TTPA: variants seen among roughly 807,000 people sequenced by gnomAD.
TTPA encodes alpha tocopherol transfer protein, also known as alpha-tocopherol transfer protein.
A neutral mutation model predicts 25.9 loss-of-function variants in TTPA; 23 were observed. That is an observed-to-expected ratio of 0.89 (90% CI 0.64 to 1.26). The LOEUF (loss-of-function observed/expected upper bound fraction) is 1.26. Among genes scored for constraint, TTPA ranks in the 50% most tolerant of loss-of-function variants. TTPA has a pLI of 0.00. For synonymous variants in TTPA, 148 were observed against 137.3 expected, an observed-to-expected ratio of 1.08 and a Z score of -0.54; for missense variants, 337 against 353.1, an observed-to-expected ratio of 0.95 and a Z score of 0.37.
rs948336467 is a variant in TTPA, at chr8:63,084,138, A to G, written c.204+1680T>C. On this transcript the variant is annotated intron_variant, in intron 1 of 4. Coordinates refer to ENST00000260116, the MANE Select transcript of TTPA (RefSeq NM_000370.3). ...TGAGCTCAATTGATCCACCATCCTC[A>G]GCCTCCCAAAGTGCTGGGATTGCAG... is the stretch of plus-strand genomic sequence containing the variant. 3.9e-5 allele frequency among the ~76,000 whole-genome samples: 6 copies of G among 152,138 alleles called. No homozygotes were observed. In the South Asian group the frequency reaches 1.2e-3, roughly 31 times the overall value.
At chr8:63,080,696 G>A (rs1805647461) in intron 1 of TTPA, among the ~76,000 whole-genome samples, 1 of 149,664 alleles carries the variant, frequency 6.7e-6, no homozygotes, top group South Asian at 2.1e-4. Context: ...CTCCAGCCTG[G>A]GTGACAGAGC....
chr8:63,077,675 G>C (rs941015206), intron 1 of TTPA, among the ~76,000 whole-genome samples: 3 of 152,238 alleles, frequency 2.0e-5, no homozygotes, highest in South Asian at 4.1e-4. Flanking sequence ...ACTGGGTGGA[G>C]CCCACTGCAG....
intron 1 of TTPA, among the ~76,000 whole-genome samples, chr8:63,075,175 C>T (rs937126595): frequency 6.6e-6 from 1 of 152,128 alleles, no homozygotes; most frequent in Admixed American, 6.5e-5. Context: ...AAAGAAGTGG[C>T]TAAAAATAAA....
chr8:63,082,344 T>C (rs1805677063), intron 1 of TTPA, among the ~76,000 whole-genome samples: 1 of 152,102 alleles, frequency 6.6e-6, no homozygotes, highest in South Asian at 2.1e-4. Context: ...ACCACACATC[T>C]ACAACCATCT....
At chr8:63,069,305 A>AG (rs1805446225) in intron 2 of TTPA, among the ~76,000 whole-genome samples, 1 of 150,250 alleles carries the variant, frequency 6.7e-6, no homozygotes, top group Non-Finnish European at 1.5e-5. Flanking sequence ...AAAAAAAAAA[A>AG]GAACATATGA....
rs577318607 is a variant in TTPA at position 63,084,153 on chromosome 8, T to C, written c.204+1665A>G. On this transcript the variant is annotated intron_variant, in intron 1 of 4. Coordinates refer to ENST00000260116, the MANE Select transcript of TTPA (RefSeq NM_000370.3). ...CACCATCCTCAGCCTCCCAAAGTGC[T>C]GGGATTGCAGGCCTGAGCTACTGCG... Among the ~76,000 whole-genome samples the C allele has an allele frequency of 3.3e-5, 5 of 152,278 alleles. No homozygotes were observed. The East Asian group carries it at 9.6e-4, about 29-fold the overall frequency.
intron 2 of TTPA, among the ~76,000 whole-genome samples, chr8:63,068,619 AGGAG>A (rs780550333): frequency 3.9e-5 from 6 of 152,134 alleles, no homozygotes; most frequent in Non-Finnish European, 8.8e-5. Flanking sequence ...GATGTAATGA[AGGAG>A]GGAGAGTTTT....
chr8:63,077,007 G>C (rs984111523), intron 1 of TTPA, among the ~76,000 whole-genome samples: 1 of 151,814 alleles, frequency 6.6e-6, no homozygotes, highest in African/African-American at 2.4e-5. Flanking sequence ...ATAAAACCCA[G>C]AGGCAATCAA....
At chr8:63,085,016 C>G (rs1159694414) in intron 1 of TTPA, among the ~76,000 whole-genome samples, 1 of 152,214 alleles carries the variant, frequency 6.6e-6, no homozygotes, top group Non-Finnish European at 1.5e-5. Flanking sequence ...AGGGCTAGAT[C>G]TGGTCGAACT....
At chr8:63,062,185 A>G (rs1483385318) in intron 4 of TTPA, among the ~76,000 whole-genome samples, 2 of 152,194 alleles carry the variant, frequency 1.3e-5, no homozygotes, top group South Asian at 4.1e-4. Flanking sequence ...GTCTAAAAAA[A>G]AAAAAAGAAT....
In TTPA at chr8:63,085,872, G is replaced by A; in HGVS notation, c.150C>T (p.Ser50=). The change falls in exon 1 of 5, where the codon TCC becomes TCT. Residue 50 remains serine (S), a synonymous_variant. Coordinates refer to ENST00000260116, the MANE Select transcript of TTPA (RefSeq NM_000370.3). ...GGGCGCGCAGGAACCGCAGCAGGAAGGAGTCGGTGAGCGGCAGCGGCGCGA... is the reference window on the plus strand; with the variant it reads ...GGGCGCGCAGGAACCGCAGCAGGAAAGAGTCGGTGAGCGGCAGCGGCGCGA... ...VPLAPLPLTD[S]FLLRFLRARD... 6.5e-7 allele frequency: 1 copy of A among 1,534,410 alleles called. No homozygotes were observed. The highest frequency in any genetic ancestry group is 8.7e-7 in the Non-Finnish European group (1 of 1,145,040).
At chr8:63,074,118 A>T (rs1241932938) in intron 1 of TTPA, among the ~76,000 whole-genome samples, 2 of 152,250 alleles carry the variant, frequency 1.3e-5, no homozygotes, top group Non-Finnish European at 2.9e-5. Context: ...AGTGCAGAGA[A>T]AATGACAGAT....
chr8:63,069,607 T>C (rs1177940812), intron 2 of TTPA, among the ~76,000 whole-genome samples: 2 of 152,138 alleles, frequency 1.3e-5, no homozygotes, highest in East Asian at 3.9e-4. Context: ...TGGTAGCACA[T>C]GCCTCTAGTC....
intron 1 of TTPA, among the ~76,000 whole-genome samples, chr8:63,073,393 C>T (rs1805513595): frequency 6.6e-6 from 1 of 152,196 alleles, no homozygotes; most frequent in Non-Finnish European, 1.5e-5. Context: ...TAAGAGATGG[C>T]ATCTATTTGC....
chr8:63,069,707 C>G (rs1311308987), intron 2 of TTPA, among the ~76,000 whole-genome samples: 2 of 151,288 alleles, frequency 1.3e-5, no homozygotes, highest in Non-Finnish European at 2.9e-5. Context: ...TGCACTCTAG[C>G]CCAGATGGCA....
intron 2 of TTPA, among the ~76,000 whole-genome samples, chr8:63,072,385 C>T (rs1805496351): frequency 6.6e-6 from 1 of 152,182 alleles, no homozygotes; most frequent in Admixed American, 6.5e-5. Context: ...GCCTCGGCCT[C>T]CCGAGTAGCT....
At chr8:63,066,128 C>T (rs1314740554) in intron 2 of TTPA, 31 bp from the exon 3 acceptor site, 1 of 1,594,716 alleles carries the variant, frequency 6.3e-7, no homozygotes, top group Non-Finnish European at 8.6e-7. Context: ...CATATCTTAG[C>T]ATTGTGTAAA....
At chr8:63,080,155 G>A (rs1347353050) in intron 1 of TTPA, among the ~76,000 whole-genome samples, 2 of 151,984 alleles carry the variant, frequency 1.3e-5, no homozygotes, top group African/African-American at 2.4e-5. Flanking sequence ...AGAATCTCTG[G>A]GACACATTTA....
intron 1 of TTPA, among the ~76,000 whole-genome samples, chr8:63,075,499 C>CTCG (rs1221774950): frequency 1.3e-5 from 2 of 151,952 alleles, no homozygotes; most frequent in Admixed American, 6.6e-5. Context: ...ACGGATGGAT[C>CTCG]ACGAGGTCAA....
Sources: allele counts gnomAD v4.1 joint callset (sites outside exome capture counted in the v4.1 genomes callset), GRCh38; gene constraint gnomAD v4.1.1; transcripts MANE v1.5; gene names NCBI Gene and HGNC (gene_info 2026-07-23, HGNC 2026-07-21).